The following APBA1 variants were observed in gnomAD, a reference collection of about 807,000 sequenced individuals.
APBA1 encodes amyloid beta precursor protein binding family A member 1.
Under a neutral mutation model 86.6 loss-of-function variants are expected in APBA1, and 55 were observed. The observed-to-expected ratio is 0.64, with a 90% CI of 0.51 to 0.80. The LOEUF (loss-of-function observed/expected upper bound fraction) is 0.80, where lower values mean the gene tolerates loss of function less well. Among genes scored for constraint, APBA1 ranks in the 30% least tolerant of loss-of-function variants. The pLI, the probability that APBA1 is intolerant of heterozygous loss-of-function variation, is 0.00. For missense variants in APBA1, 1,090 were observed against 1,183.0 expected, an observed-to-expected ratio of 0.92 and a Z score of 1.15; for synonymous variants, 511 against 493.9, an observed-to-expected ratio of 1.03 and a Z score of -0.46.
intron 1 of APBA1, among the ~76,000 whole-genome samples, chr9:69,639,035 GTT>G (rs1268314314): frequency 6.6e-6 from 1 of 152,022 alleles, no homozygotes; most frequent in African/African-American, 2.4e-5. Flanking sequence ...ATTTATATAG[GTT>G]TTGATTTTTA....
rs141298201 is a variant in APBA1, at chr9:69,451,141, C to T, written c.1968+981G>A. ...GGGTACAAAGGCTTGCCAGCTCCCT[C>T]GCTCCAAGGTGAGACAAATCTGTCC... On this transcript the variant is annotated intron_variant, in intron 9 of 12. Transcript: ENST00000265381. Among the ~76,000 whole-genome samples the T allele has an allele frequency of 3.4e-4, 52 of 152,316 alleles. No homozygotes were observed. The East Asian group carries it at 8.3e-3, about 24-fold the overall frequency.
intron 1 of APBA1, among the ~76,000 whole-genome samples, chr9:69,628,193 G>C (rs570216036): frequency 6.6e-6 from 1 of 152,162 alleles, no homozygotes; most frequent in African/African-American, 2.4e-5. Flanking sequence ...CAGTCATACA[G>C]CCACAAAAAA....
intron 1 of APBA1, among the ~76,000 whole-genome samples, chr9:69,661,511 G>A (rs1471778196): frequency 6.6e-6 from 1 of 152,196 alleles, no homozygotes; most frequent in African/African-American, 2.4e-5. Flanking sequence ...AATTATGGCA[G>A]CACTGTATTC....
intron 5 of APBA1, among the ~76,000 whole-genome samples, chr9:69,458,808 C>CT (rs533176322): frequency 0.093 from 13,047 of 140,364 alleles, 635 homozygotes; most frequent in African/African-American, 0.12. Flanking sequence ...CTTTTCTTTT[C>CT]TTTTTTTTTT....
At chr9:69,543,462 C>A (rs1030326670) in intron 1 of APBA1, among the ~76,000 whole-genome samples, 1 of 152,132 alleles carries the variant, frequency 6.6e-6, no homozygotes. Flanking sequence ...ACTGATCTGG[C>A]CCCCTGTACT....
At position 69,473,688 on chromosome 9, in the gene APBA1, A is replaced by T. The variant is rs538004008; in HGVS notation, c.1297-1993T>A. Among the ~76,000 whole-genome samples the T allele has an allele frequency of 1.7e-4, 26 of 152,294 alleles. 1 individual carries two copies. In the South Asian group the frequency reaches 4.8e-3, roughly 28 times the overall value. On this transcript the variant is annotated intron_variant, in intron 3 of 12. Coordinates refer to ENST00000265381, the MANE Select transcript of APBA1 (RefSeq NM_001163.4). ...GTACCCTAAAACTTGAAGTATAATT[A>T]AAAAAATTAAAAAAAAGATAAGTTT...
chr9:69,518,988 C>T (rs573797858), intron 1 of APBA1, among the ~76,000 whole-genome samples: 3 of 152,166 alleles, frequency 2.0e-5, no homozygotes, highest in Non-Finnish European at 2.9e-5. Context: ...AAAAGAATCA[C>T]GGTTTACAAG....
At chr9:69,562,424 GA>G (rs1836961004) in intron 1 of APBA1, among the ~76,000 whole-genome samples, 1 of 151,588 alleles carries the variant, frequency 6.6e-6, no homozygotes, top group Admixed American at 6.6e-5. Context: ...GCCCAGGCTG[GA>G]GTGCAGTGGC....
At chr9:69,502,278 G>A (rs1387529908) in intron 2 of APBA1, among the ~76,000 whole-genome samples, 3 of 152,076 alleles carry the variant, frequency 2.0e-5, no homozygotes, top group Non-Finnish European at 4.4e-5. Context: ...TGTCAGTGGG[G>A]GAGACACCTG....
chr9:69,538,073 C>CTTGCTATAATAGACTTGCTATAAATAA, intron 1 of APBA1, among the ~76,000 whole-genome samples: 1 of 149,652 alleles, frequency 6.7e-6, no homozygotes, highest in Non-Finnish European at 1.5e-5. Flanking sequence ...AAAAAATGCA[C>CTTGCTATAATAGACTTGCTATAAATAA]TAAAAGACTT....
intron 8 of APBA1, among the ~76,000 whole-genome samples, chr9:69,453,346 T>C (rs1288958362): frequency 6.6e-6 from 1 of 152,180 alleles, no homozygotes; most frequent in African/African-American, 2.4e-5. Flanking sequence ...GTTGAGGAGA[T>C]GGAGGCCCAG....
At chr9:69,444,009 C>T (rs1466783606) in intron 10 of APBA1, among the ~76,000 whole-genome samples, 1 of 152,148 alleles carries the variant, frequency 6.6e-6, no homozygotes, top group Non-Finnish European at 1.5e-5. Context: ...CTGGCTTCCC[C>T]ACTGACTTCT....
chr9:69,436,961 ATTTATTGAGAGTTT>A (rs1834735330), intron 11 of APBA1, among the ~76,000 whole-genome samples: 1 of 152,050 alleles, frequency 6.6e-6, no homozygotes, highest in Non-Finnish European at 1.5e-5. Context: ...TCAATACCTA[ATTTATTGAGAGTTT>A]TTTAGCATGA....
intron 11 of APBA1, among the ~76,000 whole-genome samples, chr9:69,434,123 T>A (rs1189290796): frequency 6.6e-6 from 1 of 152,200 alleles, no homozygotes; most frequent in Middle Eastern, 3.2e-3. Context: ...GTCCCAATTG[T>A]GACTGTGGGA....
At chr9:69,567,440 A>C (rs185638148) in intron 1 of APBA1, among the ~76,000 whole-genome samples, 1 of 151,784 alleles carries the variant, frequency 6.6e-6, no homozygotes, top group Admixed American at 6.6e-5. Flanking sequence ...ATTTTGTATT[A>C]TACTTTAAGT....
intron 2 of APBA1, among the ~76,000 whole-genome samples, chr9:69,482,205 A>T (rs1338280219): frequency 2.0e-5 from 3 of 152,082 alleles, no homozygotes; most frequent in Admixed American, 6.5e-5. Flanking sequence ...ATGGGAGAAA[A>T]TTTTTGCAAC....
intron 10 of APBA1, among the ~76,000 whole-genome samples, chr9:69,447,682 A>G (rs1834932703): frequency 6.6e-6 from 1 of 152,132 alleles, no homozygotes; most frequent in South Asian, 2.1e-4. Context: ...ACCACAGACG[A>G]TTACATCATC....
At chr9:69,492,149 G>A (rs1835723743) in intron 2 of APBA1, among the ~76,000 whole-genome samples, 1 of 152,076 alleles carries the variant, frequency 6.6e-6, no homozygotes, top group Non-Finnish European at 1.5e-5. Context: ...AATGCTTAAG[G>A]CCCAGCGTCT....
chr9:69,486,854 T>C (rs1461401803), intron 2 of APBA1, among the ~76,000 whole-genome samples: 1 of 105,834 alleles, frequency 9.4e-6, no homozygotes, highest in African/African-American at 3.4e-5. Context: ...AGTAGATATT[T>C]TTTTTTTCTT....
Sources: gnomAD v4.1 joint callset for allele counts (sites outside exome capture counted in the v4.1 genomes callset) on GRCh38, gnomAD v4.1.1 for gene constraint, MANE v1.5 for transcripts, NCBI Gene and HGNC (gene_info 2026-07-23, HGNC 2026-07-21) for gene names.